FAM135B: variants seen among roughly 807,000 people sequenced by gnomAD.
FAM135B encodes the protein protein FAM135B.
Under a neutral mutation model 127.7 loss-of-function variants are expected in FAM135B, and 43 were observed. That is an observed-to-expected ratio of 0.34 (90% CI 0.26 to 0.43). The LOEUF (loss-of-function observed/expected upper bound fraction) is 0.43, where lower values mean the gene tolerates loss of function less well. Ranked by LOEUF, FAM135B falls within the 20% of genes least tolerant of loss-of-function variation. The probability of loss-of-function intolerance (pLI) is 1.00; values close to 1 mark genes in which losing one functional copy is unlikely to be tolerated. For synonymous variants in FAM135B, 670 were observed against 665.1 expected, an observed-to-expected ratio of 1.01 and a Z score of -0.11; for missense variants, 1,558 against 1,725.6, an observed-to-expected ratio of 0.90 and a Z score of 1.72.
intron 1 of FAM135B, among the ~76,000 whole-genome samples, chr8:138,474,517 T>C (rs888947172): frequency 1.3e-5 from 2 of 152,140 alleles, no homozygotes; most frequent in African/African-American, 4.8e-5. Flanking sequence ...TGCAAGCTTG[T>C]TGGGGACATA....
Position 138,141,651 on chromosome 8 carries a change from G to T in FAM135B, c.3639-302C>A, listed in dbSNP as rs907248148. The stretch of plus-strand genomic sequence containing the variant: ...TTAATTCCACCTGGGGGAAGGGAAG[G>T]TCCTTCCTGAAATGCACCTCTGAGC... On this transcript the variant is annotated intron_variant, in intron 16 of 19. Transcript: ENST00000395297. The surrounding 1 kb of genome is among the most constrained non-coding windows in gnomAD (Gnocchi z 4.7). 6.6e-5 allele frequency among the ~76,000 whole-genome samples: 10 copies of T among 152,168 alleles called. No individual in the cohort carries two copies. The highest frequency in any genetic ancestry group is 5.9e-4 in the Admixed American group (9 of 15,288).
intron 6 of FAM135B, among the ~76,000 whole-genome samples, chr8:138,250,617 C>A (rs1821622403): frequency 6.6e-6 from 1 of 152,106 alleles, no homozygotes; most frequent in Non-Finnish European, 1.5e-5. Context: ...CTGGTGTAAG[C>A]CATAGTTTGC....
intron 7 of FAM135B, among the ~76,000 whole-genome samples, chr8:138,206,414 C>T (rs1393475203): frequency 5.9e-5 from 9 of 151,684 alleles, no homozygotes; most frequent in African/African-American, 2.2e-4. Context: ...TCTATCGTCC[C>T]CTCCACCTAC....
intron 2 of FAM135B, among the ~76,000 whole-genome samples, chr8:138,334,245 C>T (rs548484802): frequency 3.2e-4 from 48 of 152,240 alleles, no homozygotes; most frequent in African/African-American, 1.1e-3. Context: ...TATTGACCCA[C>T]GACAGAAGGG....
At chr8:138,402,693 C>G (rs1833218433) in intron 1 of FAM135B, among the ~76,000 whole-genome samples, 1 of 152,202 alleles carries the variant, frequency 6.6e-6, no homozygotes, top group African/African-American at 2.4e-5. Context: ...CATTCTGACT[C>G]CAGAACTGCT....
intron 7 of FAM135B, among the ~76,000 whole-genome samples, chr8:138,237,885 A>T (rs1820426088): frequency 1.3e-5 from 2 of 152,132 alleles, no homozygotes; most frequent in African/African-American, 4.8e-5. Flanking sequence ...ACACATTCAC[A>T]AACACACATA....
intron 1 of FAM135B, among the ~76,000 whole-genome samples, chr8:138,456,261 G>A (rs986025204): frequency 1.3e-5 from 2 of 152,138 alleles, no homozygotes; most frequent in African/African-American, 4.8e-5. Context: ...AAGTATTTTG[G>A]CTTCACTGAC....
chr8:138,140,961 T>G (rs1817087676), intron 17 of FAM135B, among the ~76,000 whole-genome samples: 1 of 152,048 alleles, frequency 6.6e-6, no homozygotes, highest in African/African-American at 2.4e-5. Flanking sequence ...CCAGAGACAT[T>G]GCCTTTTTTT....
At chr8:138,324,064 T>C (rs79853799) in intron 2 of FAM135B, among the ~76,000 whole-genome samples, 1,847 of 152,282 alleles carry the variant, frequency 0.012, 35 homozygotes, top group African/African-American at 0.042. Flanking sequence ...AACTTGAGGG[T>C]AGTAAGTGGT....
intron 3 of FAM135B, among the ~76,000 whole-genome samples, chr8:138,278,296 GA>G (rs1823987280): frequency 6.6e-6 from 1 of 150,840 alleles, no homozygotes; most frequent in Non-Finnish European, 1.5e-5. Flanking sequence ...AGGCTCTTTT[GA>G]CCCCTTGTGT....
At chr8:138,304,490 A>T (rs1826096232) in intron 3 of FAM135B, among the ~76,000 whole-genome samples, 1 of 152,206 alleles carries the variant, frequency 6.6e-6, no homozygotes, top group Non-Finnish European at 1.5e-5. Context: ...ATTAATTCTG[A>T]CAGGGGCAGG....
At chr8:138,157,088 C>A (rs1287778537) in intron 12 of FAM135B, among the ~76,000 whole-genome samples, 1 of 152,176 alleles carries the variant, frequency 6.6e-6, no homozygotes, top group Non-Finnish European at 1.5e-5. Flanking sequence ...CATCAAAAAG[C>A]TTATCCACCA....
chr8:138,481,527 G>A (rs910382265), intron 1 of FAM135B, among the ~76,000 whole-genome samples: 2 of 152,170 alleles, frequency 1.3e-5, no homozygotes, highest in African/African-American at 2.4e-5. Flanking sequence ...TGAAAGCACC[G>A]ATGGCTGCAC....
At chr8:138,358,928 G>A (rs1830249343) in intron 2 of FAM135B, among the ~76,000 whole-genome samples, 1 of 152,068 alleles carries the variant, frequency 6.6e-6, no homozygotes, top group Non-Finnish European at 1.5e-5. Flanking sequence ...CCTAGAAAGA[G>A]CTTTTCTTTA....
At chr8:138,449,420 G>T (rs577431630) in intron 1 of FAM135B, among the ~76,000 whole-genome samples, 1 of 152,046 alleles carries the variant, frequency 6.6e-6, no homozygotes, top group Non-Finnish European at 1.5e-5. Context: ...GAGAGAGGAC[G>T]GAGCTCAGAG....
chr8:138,493,178 G>T (rs10107359), intron 1 of FAM135B, among the ~76,000 whole-genome samples: 1 of 152,062 alleles, frequency 6.6e-6, no homozygotes, highest in Non-Finnish European at 1.5e-5. Context: ...AACATTTGAC[G>T]TTTCTGAGCA....
intron 1 of FAM135B, among the ~76,000 whole-genome samples, chr8:138,475,576 T>C (rs891169154): frequency 3.3e-5 from 5 of 152,148 alleles, no homozygotes; most frequent in African/African-American, 9.7e-5. Flanking sequence ...AAGGTCAATC[T>C]ATCACCACGA....
chr8:138,203,630 T>C (rs1817326949), intron 7 of FAM135B, among the ~76,000 whole-genome samples: 1 of 152,138 alleles, frequency 6.6e-6, no homozygotes. Flanking sequence ...TTCAAGGACT[T>C]TACACCTTAA....
At chr8:138,371,738 C>T (rs7827562) in intron 1 of FAM135B, among the ~76,000 whole-genome samples, 61,005 of 152,002 alleles carry the variant, frequency 0.4, 12,711 homozygotes, top group East Asian at 0.64. Flanking sequence ...ACACAATATA[C>T]CCAACCCGAA....
Sources: allele counts gnomAD v4.1 joint callset (sites outside exome capture counted in the v4.1 genomes callset), GRCh38; gene constraint gnomAD v4.1.1; non-coding constraint Gnocchi (gnomAD v3.1); transcripts MANE v1.5; gene names NCBI Gene and HGNC (gene_info 2026-07-23, HGNC 2026-07-21).